The following CENPK variants were observed in gnomAD, a reference collection of about 807,000 sequenced individuals.
CENPK encodes SoxLZ/Sox6-binding protein Solt.
Under a neutral mutation model 40.9 loss-of-function variants are expected in CENPK, and 46 were observed. The ratio of observed to expected loss-of-function variants is 1.13; its 90% CI spans 0.89 to 1.44. CENPK has a LOEUF of 1.44. Ranked by LOEUF, CENPK falls within the 40% of genes most tolerant of loss-of-function variation. The probability of loss-of-function intolerance (pLI) is 0.00; values close to 1 mark genes in which losing one functional copy is unlikely to be tolerated. For synonymous variants in CENPK, 107 were observed against 104.4 expected (o/e 1.02, Z -0.15); for missense variants, 288 against 303.5 (o/e 0.95, Z 0.38).
chr5:65,514,581 A>G (rs1439766425), downstream of CENPK, among the ~76,000 whole-genome samples: 1 of 152,156 alleles, frequency 6.6e-6, no homozygotes, highest in Non-Finnish European at 1.5e-5. Context: ...AGTGTGTTAA[A>G]GCATTTCCTC....
intron 1 of CENPK, 53 bp from the exon 2 acceptor site, chr5:65,561,617 C>T (rs1751982874): frequency 3.1e-6 from 1 of 325,378 alleles, no homozygotes. Context: ...CACACACACA[C>T]ACTTAAGAGT....
intron 6 of CENPK, among the ~76,000 whole-genome samples, chr5:65,539,960 A>C (rs75227150): frequency 6.6e-6 from 1 of 152,220 alleles, no homozygotes; most frequent in East Asian, 1.9e-4. Flanking sequence ...CATGCTAGGC[A>C]GTATGGCCCA....
intron 4 of CENPK, among the ~76,000 whole-genome samples, chr5:65,551,932 C>G (rs1473868022): frequency 1.3e-5 from 2 of 150,898 alleles, no homozygotes; most frequent in African/African-American, 4.9e-5. Flanking sequence ...ACTATTATAC[C>G]TAACACAAAG....
rs189109239 is a variant in CENPK at position 65,543,766 on chromosome 5, T to G, written c.242-918A>C. ...ACGTTTTTATGTACTGGTGCTCTCA[T>G]TTCTATAGAACAGATTCTCAGAAAT... On this transcript the variant is annotated intron_variant, in intron 5 of 10. Transcript: ENST00000396679. Among the ~76,000 whole-genome samples the G allele has an allele frequency of 2.6e-5, 4 of 152,324 alleles. No homozygotes were observed. In the East Asian group the frequency reaches 7.7e-4, roughly 29 times the overall value.
intron 9 of CENPK, chr5:65,524,780 T>A (rs900541580): frequency 6.5e-6 from 1 of 152,948 alleles, no homozygotes; most frequent in African/African-American, 2.4e-5. Context: ...AAAATAGAAG[T>A]TCTGAATAAA....
intron 2 of CENPK, among the ~76,000 whole-genome samples, chr5:65,559,457 G>A (rs1322329412): frequency 2.0e-5 from 3 of 151,498 alleles, no homozygotes; most frequent in Admixed American, 1.3e-4. Flanking sequence ...GTGAAACCCC[G>A]TCTCTACTAA....
At chr5:65,517,185 C>T (rs552816319), downstream of CENPK, among the ~76,000 whole-genome samples, 8 of 152,188 alleles carry the variant, frequency 5.3e-5, no homozygotes, top group African/African-American at 1.7e-4. Context: ...TCAAGTGATC[C>T]GCCCACCTCG....
chr5:65,513,696 T>C (rs1468065591), downstream of CENPK, among the ~76,000 whole-genome samples: 2 of 152,246 alleles, frequency 1.3e-5, no homozygotes, highest in East Asian at 1.9e-4. Flanking sequence ...AAATTATTTT[T>C]TGTTGAGACA....
intron 6 of CENPK, chr5:65,541,329 G>A (rs1047294936): frequency 7.1e-5 from 32 of 453,740 alleles, no homozygotes; most frequent in Middle Eastern, 3.2e-4. Flanking sequence ...GGGACTGAGC[G>A]CTCAACCTGT....
intron 6 of CENPK, among the ~76,000 whole-genome samples, chr5:65,531,308 T>C (rs369567716): frequency 1.3e-5 from 2 of 151,912 alleles, no homozygotes; most frequent in Admixed American, 1.3e-4. Context: ...ACCAAAAACA[T>C]ACATCTAAAT....
intron 5 of CENPK, among the ~76,000 whole-genome samples, chr5:65,549,716 C>T (rs1448314228): frequency 6.6e-6 from 1 of 152,182 alleles, no homozygotes; most frequent in South Asian, 2.1e-4. Context: ...TCTGCAGCTT[C>T]CTCATCTCTC....
chr5:65,518,697 G>A (rs1561609834), intron 10 of CENPK, 64 bp from the exon 11 acceptor site: 9 of 1,053,974 alleles, frequency 8.5e-6, no homozygotes. Context: ...CTATAAGAAA[G>A]TTTTTTGTCA....
Position 65,554,885 on chromosome 5 carries a change from G to A in CENPK, c.23C>T (p.Pro8Leu), listed in dbSNP as rs758896315. 3.4e-5 allele frequency: 54 copies of A among 1,595,074 alleles called. No individual in the cohort carries two copies. The highest frequency in any genetic ancestry group is 4.3e-5 in the Non-Finnish European group (50 of 1,164,476). Residue 8 changes from proline to leucine, a missense_variant, in exon 3 of 11, where the codon CCG (proline) becomes CTG (leucine). Physicochemically the swap from Pro to Leu is moderately conservative, Grantham distance 98 (BLOSUM62 -3). Coordinates refer to ENST00000396679, the MANE Select transcript of CENPK (RefSeq NM_022145.5). MNQEDLD[P>L]DSTTDVGDVT... ...ATCTCCCACATCTGTAGTACTATCC[G>A]GATCTAGATCCTCCTGATTCATTGA...
At chr5:65,499,155 C>T in the CENPK span, among the ~76,000 whole-genome samples, 2 of 150,626 alleles carry the variant, frequency 1.3e-5, no homozygotes, top group Admixed American at 1.3e-4. Flanking sequence ...GGATTACAGT[C>T]GTGAGCCACT....
the CENPK span, among the ~76,000 whole-genome samples, chr5:65,503,872 G>C: frequency 6.6e-6 from 1 of 151,668 alleles, no homozygotes; most frequent in African/African-American, 2.4e-5. Flanking sequence ...TGGTCAGACT[G>C]GTCTAGAACT....
At chr5:65,515,085 GC>G (rs1742767568), downstream of CENPK, among the ~76,000 whole-genome samples, 1 of 148,216 alleles carries the variant, frequency 6.7e-6, no homozygotes, top group Admixed American at 6.8e-5. Flanking sequence ...GATTTAATTT[GC>G]TTTTTCTAAT....
At chr5:65,547,198 G>A (rs6874775) in intron 5 of CENPK, among the ~76,000 whole-genome samples, 61,691 of 151,628 alleles carry the variant, frequency 0.41, 12,902 homozygotes, top group East Asian at 0.65. Context: ...TTTGAGATCA[G>A]CCTGGCCAAC....
At chr5:65,514,804 A>C (rs1193054128), downstream of CENPK, among the ~76,000 whole-genome samples, 3 of 152,170 alleles carry the variant, frequency 2.0e-5, no homozygotes, top group Admixed American at 2.0e-4. Flanking sequence ...CTTTCACAAA[A>C]TTGGTCCATT....
chr5:65,530,399 T>C (rs565445336), intron 6 of CENPK, among the ~76,000 whole-genome samples: 4 of 152,152 alleles, frequency 2.6e-5, no homozygotes, highest in Non-Finnish European at 4.4e-5. Context: ...TCAGGTAACA[T>C]TTAAATAACA....
Sources: allele counts gnomAD v4.1 joint callset (sites outside exome capture counted in the v4.1 genomes callset), GRCh38; gene constraint gnomAD v4.1.1; transcripts MANE v1.5; gene names NCBI Gene and HGNC (gene_info 2026-07-23, HGNC 2026-07-21).